DNAJC12: variants seen among roughly 807,000 people sequenced by gnomAD.
The protein encoded by DNAJC12 is DnaJ heat shock protein family (Hsp40) member C12, also known as dnaJ homolog subfamily C member 12.
DNAJC12 carries 25 observed loss-of-function variants against 28.5 expected under a neutral mutation model. That is an observed-to-expected ratio of 0.88 (90% CI 0.64 to 1.22). The LOEUF is 1.22. Ranked by LOEUF, DNAJC12 falls within the 50% of genes most tolerant of loss-of-function variation. The pLI is 0.00. For synonymous variants in DNAJC12, 77 were observed against 80.6 expected, an observed-to-expected ratio of 0.95 and a Z score of 0.24; for missense variants, 222 against 231.7, an observed-to-expected ratio of 0.96 and a Z score of 0.27.
intron 2 of DNAJC12, among the ~76,000 whole-genome samples, chr10:67,815,230 T>G (rs1319163463): frequency 6.6e-6 from 1 of 152,066 alleles, no homozygotes; most frequent in Non-Finnish European, 1.5e-5. Context: ...TAAATGAGGC[T>G]GGGCACGGTG....
intron 3 of DNAJC12, among the ~76,000 whole-genome samples, chr10:67,807,498 A>C (rs1841815398): frequency 6.6e-6 from 1 of 152,234 alleles, no homozygotes; most frequent in Non-Finnish European, 1.5e-5. Context: ...GGTATTAAAA[A>C]AAAAAATGAC....
rs1205489272 is a variant in DNAJC12, at chr10:67,819,749, A to G, written c.157+3565T>C. On this transcript the variant is annotated intron_variant, in intron 2 of 4. Transcript: ENST00000225171. ...AAGGAAGGAAGGAAGGAAGGAAGGAAGGAAGGAAGGAAGGAAGGAAGGAAG... is the reference window on the plus strand; with the variant it reads ...AAGGAAGGAAGGAAGGAAGGAAGGAGGGAAGGAAGGAAGGAAGGAAGGAAG... Among the ~76,000 whole-genome samples the G allele has an allele frequency of 3.1e-3, 77 of 24,582 alleles. 2 individuals are homozygous for G. Among genetic ancestry groups the G allele is most frequent in the African/African-American group, 0.012 (71 of 6,030 alleles). 16.1% of individuals were successfully genotyped at this position (24,582 alleles called of 152,430 possible). A position where few individuals can be genotyped will look rare whatever the true frequency, so the allele number is the denominator to read the frequency against.
intron 1 of DNAJC12, among the ~76,000 whole-genome samples, chr10:67,828,226 A>G (rs1842055957): frequency 6.6e-6 from 1 of 152,204 alleles, no homozygotes; most frequent in Admixed American, 6.5e-5. Flanking sequence ...GAGGATGTAA[A>G]TAGGTATAGA....
chr10:67,819,703 G>GAAGA, intron 2 of DNAJC12, among the ~76,000 whole-genome samples: 1 of 31,510 alleles, frequency 3.2e-5, no homozygotes, highest in Non-Finnish European at 6.4e-5. Context: ...AGAAAGGAAG[G>GAAGA]AAGGAAGGAA....
chr10:67,819,699 G>GAAAGAAAGAAAGGAAGA (rs1491448750), intron 2 of DNAJC12, among the ~76,000 whole-genome samples: 1 of 24,660 alleles, frequency 4.1e-5, no homozygotes, highest in Non-Finnish European at 9.5e-5. Context: ...AGAAAGAAAG[G>GAAAGAAAGAAAGGAAGA]AAGGAAGGAA....
intron 3 of DNAJC12, among the ~76,000 whole-genome samples, chr10:67,807,147 G>C (rs1841810590): frequency 6.6e-6 from 1 of 151,770 alleles, no homozygotes; most frequent in Admixed American, 6.6e-5. Context: ...TGTAATCCCA[G>C]CTACCCGGGA....
chr10:67,799,693 A>G (rs1018613060), intron 4 of DNAJC12, among the ~76,000 whole-genome samples: 9 of 151,722 alleles, frequency 5.9e-5, no homozygotes, highest in Non-Finnish European at 7.4e-5. Context: ...GACCAGCCTG[A>G]CCAACATGGT....
chr10:67,812,283 G>A (rs561108948), intron 2 of DNAJC12, among the ~76,000 whole-genome samples: 5 of 152,192 alleles, frequency 3.3e-5, no homozygotes, highest in African/African-American at 7.2e-5. Flanking sequence ...ATGAGGGATG[G>A]GGCTGTAGAG....
intron 2 of DNAJC12, among the ~76,000 whole-genome samples, chr10:67,819,695 A>AAAGAAAGG (rs1841956219): frequency 4.0e-5 from 1 of 24,706 alleles, no homozygotes; most frequent in Non-Finnish European, 9.9e-5. Context: ...AGAAAGAAAG[A>AAAGAAAGG]AAGGAAGGAA....
chr10:67,823,447 C>T (rs1842000197), intron 1 of DNAJC12, 55 bp from the exon 2 acceptor site: 2 of 1,487,452 alleles, frequency 1.3e-6, no homozygotes, highest in Non-Finnish European at 1.9e-6. Flanking sequence ...CAGTGACTCA[C>T]GCCTATAATC....
chr10:67,818,701 G>A (rs113538518), intron 2 of DNAJC12, among the ~76,000 whole-genome samples: 20,886 of 151,604 alleles, frequency 0.14, 1,583 homozygotes, highest in Middle Eastern at 0.2. Context: ...TTGCTACCCA[G>A]GCTGGAGTGC....
intron 1 of DNAJC12, among the ~76,000 whole-genome samples, chr10:67,834,470 G>A (rs1001989235): frequency 6.6e-5 from 10 of 152,116 alleles, no homozygotes; most frequent in South Asian, 4.1e-4. Flanking sequence ...TATATATCAC[G>A]TATTATTTAA....
intron 4 of DNAJC12, among the ~76,000 whole-genome samples, chr10:67,800,821 G>A (rs574320366): frequency 1.8e-4 from 27 of 152,122 alleles, no homozygotes; most frequent in Non-Finnish European, 2.8e-4. Context: ...GGCAGGTGCC[G>A]TAATCCCAGC....
intron 2 of DNAJC12, among the ~76,000 whole-genome samples, chr10:67,814,134 C>T (rs1841890792): frequency 6.7e-6 from 1 of 149,792 alleles, no homozygotes; most frequent in African/African-American, 2.4e-5. Flanking sequence ...GTAGTGAAAA[C>T]AGTGTGGTAC....
intron 4 of DNAJC12, among the ~76,000 whole-genome samples, chr10:67,800,385 A>G (rs1188645086): frequency 6.6e-6 from 1 of 152,178 alleles, no homozygotes; most frequent in East Asian, 1.9e-4. Context: ...GAACCCTGGG[A>G]GATAATATAA....
At chr10:67,835,749 T>C (rs574311014) in intron 1 of DNAJC12, among the ~76,000 whole-genome samples, 1,524 of 115,858 alleles carry the variant, frequency 0.013, 25 homozygotes, top group African/African-American at 0.048. Flanking sequence ...CACACACACA[T>C]ATATATAAAG....
At chr10:67,821,842 T>C (rs964508281) in intron 2 of DNAJC12, among the ~76,000 whole-genome samples, 18 of 152,084 alleles carry the variant, frequency 1.2e-4, no homozygotes, top group African/African-American at 4.1e-4. Flanking sequence ...GTTTGGCAAT[T>C]TCCCAGATAT....
At chr10:67,817,752 CTT>C (rs1841930447) in intron 2 of DNAJC12, among the ~76,000 whole-genome samples, 4 of 151,592 alleles carry the variant, frequency 2.6e-5, no homozygotes, top group Admixed American at 1.3e-4. Context: ...GTGGCACACA[CTT>C]ATAGCTCCGG....
intron 4 of DNAJC12, among the ~76,000 whole-genome samples, chr10:67,800,122 G>A (rs930771270): frequency 4.5e-4 from 68 of 150,766 alleles, no homozygotes; most frequent in African/African-American, 1.5e-3. Context: ...ATTTGGGGGC[G>A]GAGGTGGGAG....
Sources: gnomAD v4.1 joint callset for allele counts (sites outside exome capture counted in the v4.1 genomes callset) on GRCh38, gnomAD v4.1.1 for gene constraint, MANE v1.5 for transcripts, NCBI Gene and HGNC (gene_info 2026-07-23, HGNC 2026-07-21) for gene names.